Variants in POTEH observed in about 807,000 individuals in gnomAD.
POTEH encodes POTE ankyrin domain family member H, also known as ANKRD26-like family C member 3.
A neutral mutation model predicts 41.7 loss-of-function variants in POTEH; 6 were observed. That is an observed-to-expected ratio of 0.14 (90% confidence interval 0.08 to 0.28). POTEH has a LOEUF of 0.28. Among genes scored for constraint, POTEH ranks in the 10% least tolerant of loss-of-function variants. POTEH has a pLI of 1.00. For missense variants in POTEH, 115 were observed against 533.5 expected, an observed-to-expected ratio of 0.22 and a Z score of 7.73; for synonymous variants, 38 against 179.9, an observed-to-expected ratio of 0.21 and a Z score of 6.31.
Position 15,692,427 on chromosome 22 carries a change from A to G in POTEH, c.632+1718A>G, listed in dbSNP as rs1258462749. On this transcript the variant is annotated intron_variant, in intron 1 of 10. Transcript: ENST00000343518. The stretch of plus-strand genomic sequence containing the variant: ...GGTAGAAGAAGGAATTTAAGTTAGA[A>G]GAGGAATGAAATACTGTTTTCTATT... 4.7e-5 allele frequency among the ~76,000 whole-genome samples: 7 copies of G among 147,782 alleles called. No individual in the cohort carries two copies. In the East Asian group the frequency reaches 1.4e-3, roughly 29 times the overall value.
intron 9 of POTEH, among the ~76,000 whole-genome samples, chr22:15,714,000 GA>G (rs1989877707): frequency 1.3e-5 from 2 of 151,750 alleles, no homozygotes; most frequent in African/African-American, 4.9e-5. Context: ...TTGGGCTACT[GA>G]TGGCCTTCCT....
intron 3 of POTEH, among the ~76,000 whole-genome samples, chr22:15,698,068 GTTAAT>G: frequency 6.7e-6 from 1 of 149,214 alleles, no homozygotes; most frequent in Non-Finnish European, 1.5e-5. Context: ...TAGGAATTCT[GTTAAT>G]TTAGTTTCAG....
At chr22:15,691,985 C>G (rs201240366) in intron 1 of POTEH, among the ~76,000 whole-genome samples, 2 of 124,430 alleles carry the variant, frequency 1.6e-5, no homozygotes, top group African/African-American at 5.4e-5. Flanking sequence ...TATGCAGATA[C>G]ATATATATAT....
intron 9 of POTEH, among the ~76,000 whole-genome samples, chr22:15,714,597 G>C (rs1184002319): frequency 6.6e-6 from 1 of 151,884 alleles, no homozygotes; most frequent in Non-Finnish European, 1.5e-5. Flanking sequence ...TATTCTTCTA[G>C]CTTACTGTTT....
chr22:15,719,775 TG>T lies in POTEH; in HGVS notation c.1637del (p.Ter546=), dbSNP rs1431048297. 11 of 486,756 alleles carry T rather than the reference TG, an allele frequency of 2.3e-5. No homozygotes were observed. The East Asian group carries it at 4.4e-4, about 20-fold the overall frequency. The allele number at this position is 486,756 out of a possible 1,614,324, so 30.2% of individuals were successfully genotyped here. On this transcript the variant is annotated frameshift_variant and stop_lost and splice_region_variant, in exon 10 of 11. Coordinates refer to ENST00000343518, the MANE Select transcript of POTEH (RefSeq NM_001136213.1). LOFTEE classifies it high-confidence loss of function. ...KQIEVAENEF[*>X] ...GATAGAAGTGGCTGAAAATGAATTC[TG>T]AGGTATTTAGTTATTTTCAAATGTT...
chr22:15,708,771 T>A lies in POTEH; in HGVS notation c.1308+681T>A, dbSNP rs934965644. On this transcript the variant is annotated intron_variant, in intron 7 of 10. Transcript: ENST00000343518. ...TTTCAGAACTTTGTTCTTTTATTTT[T>A]ACAACATCCTAACATGATGAAGAAT... Among the ~76,000 whole-genome samples the A allele has an allele frequency of 1.7e-3, 87 of 49,722 alleles. 30 individuals carry two copies. Among genetic ancestry groups the A allele is most frequent in the Non-Finnish European group, 2.7e-3 (68 of 25,454 alleles). The allele number at this position is 49,722 out of a possible 152,430, so 32.6% of individuals were successfully genotyped here. A position where few individuals can be genotyped will look rare whatever the true frequency, so the allele number is the denominator to read the frequency against.
intron 1 of POTEH, among the ~76,000 whole-genome samples, chr22:15,692,964 A>G (rs1181605805): frequency 8.0e-6 from 1 of 124,810 alleles, no homozygotes; most frequent in African/African-American, 2.9e-5. Flanking sequence ...TGTTTTTCTT[A>G]GTATTGCTTA....
chr22:15,691,981 G>GATATATATATATATATATATATATAT, intron 1 of POTEH, among the ~76,000 whole-genome samples: 1 of 123,078 alleles, frequency 8.1e-6, no homozygotes, highest in South Asian at 2.8e-4. Context: ...TACATATGCA[G>GATATATATATATATATATATATATAT]ATACATATAT....
At chr22:15,692,009 A>ATATATAT (rs1421248855) in intron 1 of POTEH, among the ~76,000 whole-genome samples, 2 of 128,580 alleles carry the variant, frequency 1.6e-5, no homozygotes, top group Non-Finnish European at 3.5e-5. Context: ...TATATATATA[A>ATATATAT]ATTTCTTTTT....
chr22:15,708,541 A>AT (rs1464941447), intron 7 of POTEH, among the ~76,000 whole-genome samples: 7 of 127,168 alleles, frequency 5.5e-5, no homozygotes, highest in Non-Finnish European at 1.1e-4. Context: ...AAAAAAAAAA[A>AT]ATATTTTAAT....
chr22:15,691,841 G>T (rs1291016429), intron 1 of POTEH, among the ~76,000 whole-genome samples: 1 of 149,144 alleles, frequency 6.7e-6, no homozygotes, highest in African/African-American at 2.4e-5. Context: ...ATTTAAAAAA[G>T]ATGGATTGTT....
intron 9 of POTEH, among the ~76,000 whole-genome samples, chr22:15,712,814 A>T (rs1447039339): frequency 7.0e-6 from 1 of 141,876 alleles, no homozygotes; most frequent in Non-Finnish European, 1.5e-5. Flanking sequence ...GAATTGGCTG[A>T]TTTTTATCAA....
At position 15,691,396 on chromosome 22, in the gene POTEH, G is replaced by A. The variant is rs1300733305; in HGVS notation, c.632+687G>A. ...AAAAAATTAGCTGGACGCGGTGGCAGGCACCTGTAGTCCCAGCTACTCAGG... is the reference window on the plus strand; with the variant it reads ...AAAAAATTAGCTGGACGCGGTGGCAAGCACCTGTAGTCCCAGCTACTCAGG... On this transcript the variant is annotated intron_variant, in intron 1 of 10. Transcript: ENST00000343518. 1.6e-5 allele frequency among the ~76,000 whole-genome samples: 2 copies of A among 126,906 alleles called. 1 individual carries two copies. The highest frequency in any genetic ancestry group is 3.6e-5 in the Non-Finnish European group (2 of 55,858). 83.3% of individuals were successfully genotyped at this position (126,906 alleles called of 152,430 possible).
In POTEH at chr22:15,700,130, C is replaced by G. The variant is rs1369956528; in HGVS notation, c.1081C>G (p.Leu361Val). ...TGGATCGGCAAGTATAGTCAGCCTT[C>G]TACTTGAGCAAAACATTGATGTATC... is the stretch of plus-strand genomic sequence containing the variant. ...CCGSASIVSL[L>V]LEQNIDVSSQ... is the part of the protein sequence containing the mutation. Residue 361 changes from leucine to valine, a missense_variant, in exon 5 of 11, where the codon CTA becomes GTA. Transcript: ENST00000343518. 1 of 1,608,006 alleles carries G rather than the reference C, an allele frequency of 6.2e-7. No individual in the cohort carries two copies. The highest frequency in any genetic ancestry group is 1.3e-5 in the African/African-American group (1 of 74,734).
chr22:15,714,579 T>A (rs1989893831), intron 9 of POTEH, among the ~76,000 whole-genome samples: 2 of 152,140 alleles, frequency 1.3e-5, no homozygotes, highest in South Asian at 4.1e-4. Context: ...GAATGCTTTT[T>A]CCCCAGATAT....
chr22:15,697,619 TA>T (rs1989459917), intron 3 of POTEH: 1 of 192,302 alleles, frequency 5.2e-6, no homozygotes, highest in African/African-American at 4.8e-5. Flanking sequence ...CCCAAAGTGC[TA>T]GGATTACAGG....
chr22:15,690,603 G>A lies in POTEH; in HGVS notation c.526G>A (p.Asp176Asn). The change falls in exon 1 of 11, where the codon GAT becomes AAT. Residue 176 changes from aspartate to asparagine, a missense_variant. Transcript: ENST00000343518. The stretch of plus-strand genomic sequence containing the variant: ...GCCGAGGTACCACGTCCGTCGAGAA[G>A]ATCTGGACAAGCTCCACAGAGCTGC... ...MEPRYHVRREDLDKLHRAAWW... is the reference protein window; with the variant it reads ...MEPRYHVRRENLDKLHRAAWW... 2 of 1,425,182 alleles carry A rather than the reference G, an allele frequency of 1.4e-6. 1 individual carries two copies. Among genetic ancestry groups the A allele is most frequent in the Non-Finnish European group, 1.9e-6 (2 of 1,027,284 alleles). 88.3% of individuals were successfully genotyped at this position (1,425,182 alleles called of 1,614,324 possible).
At position 15,693,167 on chromosome 22, in the gene POTEH, C is replaced by T. The variant is rs1211879787; in HGVS notation, c.633-2204C>T. Reference sequence around the variant, plus strand: ...CACATATACACGAACAGAATCTGCTCTTGTGTTAGCTGAAAATATGTAGAA... The same window carrying T: ...CACATATACACGAACAGAATCTGCTTTTGTGTTAGCTGAAAATATGTAGAA... On this transcript the variant is annotated intron_variant, in intron 1 of 10. Transcript: ENST00000343518. 8.7e-5 allele frequency among the ~76,000 whole-genome samples: 12 copies of T among 138,030 alleles called. No homozygotes were observed. The South Asian group carries it at 2.7e-3, about 32-fold the overall frequency. The allele number at this position is 138,030 out of a possible 152,430, so 90.6% of individuals were successfully genotyped here.
In POTEH at chr22:15,690,812, C is replaced by T. The variant is rs1349112140; in HGVS notation, c.632+103C>T. ...AGCCTGGTTTTCTTGCCTCCACAGG[C>T]CTCACACCACCCTGGATGTGGAAAC... On this transcript the variant is annotated intron_variant, in intron 1 of 10. Transcript: ENST00000343518. The T allele has an allele frequency of 1.1e-5, 15 of 1,346,098 alleles. 3 individuals carry two copies. In the African/African-American group the frequency reaches 1.4e-4, roughly 12 times the overall value. 83.4% of individuals were successfully genotyped at this position (1,346,098 alleles called of 1,614,324 possible). A position where few individuals can be genotyped will look rare whatever the true frequency, so the allele number is the denominator to read the frequency against.
Sources: gnomAD v4.1 joint callset for allele counts (sites outside exome capture counted in the v4.1 genomes callset) on GRCh38, gnomAD v4.1.1 for gene constraint, MANE v1.5 for transcripts, NCBI Gene and HGNC (gene_info 2026-07-23, HGNC 2026-07-21) for gene names.